The following ZDHHC7 variants were observed in gnomAD, a reference collection of about 807,000 sequenced individuals.
ZDHHC7 encodes the protein palmitoyltransferase ZDHHC7.
A neutral mutation model predicts 34.1 loss-of-function variants in ZDHHC7; 12 were observed. The observed-to-expected ratio is 0.35, with a 90% CI of 0.23 to 0.57. The LOEUF (loss-of-function observed/expected upper bound fraction) is 0.57, where lower values mean the gene tolerates loss of function less well. Ranked by LOEUF, ZDHHC7 falls within the 20% of genes least tolerant of loss-of-function variation. The probability of loss-of-function intolerance (pLI) is 0.84; values close to 1 mark genes in which losing one functional copy is unlikely to be tolerated. For synonymous variants in ZDHHC7, 185 were observed against 155.4 expected, an observed-to-expected ratio of 1.19 and a Z score of -1.42; for missense variants, 388 against 402.7, an observed-to-expected ratio of 0.96 and a Z score of 0.31.
upstream of ZDHHC7, among the ~76,000 whole-genome samples, chr16:85,012,937 A>G (rs1280987144): frequency 6.6e-6 from 1 of 152,120 alleles, no homozygotes; most frequent in Non-Finnish European, 1.5e-5. Context: ...ACCAGAATAT[A>G]TCACCGCAAA....
intron 1 of ZDHHC7, among the ~76,000 whole-genome samples, chr16:85,011,032 A>G (rs1428382558): frequency 1.3e-5 from 2 of 152,250 alleles, no homozygotes; most frequent in East Asian, 3.8e-4. Context: ...GTCACGCCCA[A>G]GGTCAGGCAA....
At chr16:85,026,629 A>C in the ZDHHC7 span, among the ~76,000 whole-genome samples, 6 of 151,368 alleles carry the variant, frequency 4.0e-5, no homozygotes, top group African/African-American at 1.5e-4. Context: ...GGTGTGGGAC[A>C]GGTACTTGAT....
intron 3 of ZDHHC7, among the ~76,000 whole-genome samples, chr16:84,987,406 G>T (rs937119195): frequency 2.0e-5 from 3 of 152,108 alleles, no homozygotes; most frequent in African/African-American, 7.2e-5. Context: ...CACTGCAGGT[G>T]GGAATGTAAA....
At chr16:85,018,497 G>C in the ZDHHC7 span, among the ~76,000 whole-genome samples, 1 of 151,398 alleles carries the variant, frequency 6.6e-6, no homozygotes, top group South Asian at 2.1e-4. Context: ...GCCCAGGCTA[G>C]AGTGCAATGG....
chr16:84,995,839 G>C (rs2072570075), intron 2 of ZDHHC7, 83 bp downstream of exon 2: 1 of 152,182 alleles, frequency 6.6e-6, no homozygotes, highest in South Asian at 2.1e-4. Context: ...CACATGCACA[G>C]GTTACCTTTT....
At chr16:85,012,764 G>C (rs1175068687), upstream of ZDHHC7, among the ~76,000 whole-genome samples, 3 of 151,938 alleles carry the variant, frequency 2.0e-5, no homozygotes, top group Admixed American at 6.6e-5. Context: ...AATTAGCCGG[G>C]TGCAGTTTTG....
chr16:85,020,119 G>A, the ZDHHC7 span, among the ~76,000 whole-genome samples: 3 of 152,208 alleles, frequency 2.0e-5, no homozygotes, highest in Admixed American at 6.5e-5. Context: ...CACAATCCTA[G>A]CTCTGTGCCA....
chr16:84,998,077 C>A (rs1239056070), intron 1 of ZDHHC7, among the ~76,000 whole-genome samples: 2 of 146,156 alleles, frequency 1.4e-5, no homozygotes, highest in Non-Finnish European at 3.0e-5. Context: ...TAGCTACTAA[C>A]ACGGTGAAAC....
chr16:84,976,110 C>T lies in ZDHHC7; in HGVS notation c.*233G>A, dbSNP rs990744615. 5 of 556,528 alleles carry T rather than the reference C, an allele frequency of 9.0e-6. No homozygotes were observed. The highest frequency in any genetic ancestry group is 3.3e-5 in the East Asian group (1 of 30,010). The allele number at this position is 556,528 out of a possible 1,614,324, so 34.5% of individuals were successfully genotyped here. ...GCCCCAGCTCTGCAGGAGGCCACGG[C>T]GTTTGGCTTCTTCGTGTGGCCACAC... On this transcript the variant is annotated 3_prime_UTR_variant, in exon 8 of 8. Coordinates refer to ENST00000313732, the MANE Select transcript of ZDHHC7 (RefSeq NM_017740.3).
rs1279053734 is a variant in ZDHHC7 at position 84,981,937 on chromosome 16, G to A, written c.373C>T (p.Pro125Ser). 13 of 1,614,218 alleles carry A rather than the reference G, an allele frequency of 8.1e-6. No individual in the cohort carries two copies. Among genetic ancestry groups the A allele is most frequent in the Non-Finnish European group, 1.0e-5 (12 of 1,180,032 alleles). Residue 125 changes from proline to serine, a missense_variant, in exon 4 of 8, where the codon CCC becomes TCC. Pro to Ser is a moderately conservative substitution (Grantham distance 74, BLOSUM62 -1). Coordinates refer to ENST00000313732, the MANE Select transcript of ZDHHC7 (RefSeq NM_017740.3). ...GGGCACTTGTAGATGACTTCCCCGGGCTTCAGCTGCAAGCTCTCCATGTAT... is the reference window on the plus strand; with the variant it reads ...GGGCACTTGTAGATGACTTCCCCGGACTTCAGCTGCAAGCTCTCCATGTAT... Reference protein sequence around the residue: ...KEYMESLQLKPGEVIYKCPKC... With the variant: ...KEYMESLQLKSGEVIYKCPKC...
At chr16:85,025,554 C>G in the ZDHHC7 span, among the ~76,000 whole-genome samples, 6 of 152,256 alleles carry the variant, frequency 3.9e-5, no homozygotes, top group Admixed American at 3.9e-4. Flanking sequence ...GGACTACAGG[C>G]ACCTGCCACC....
chr16:85,007,582 A>C (rs969911961), intron 1 of ZDHHC7, among the ~76,000 whole-genome samples: 1 of 152,004 alleles, frequency 6.6e-6, no homozygotes, highest in Non-Finnish European at 1.5e-5. Context: ...TCACAGTCCC[A>C]TAACAAGCAG....
At chr16:84,982,156 C>G in intron 3 of ZDHHC7, 162 bp from the exon 4 acceptor site, 2 of 795,210 alleles carry the variant, frequency 2.5e-6, no homozygotes, top group Non-Finnish European at 3.8e-6. Flanking sequence ...CCAGCCTGGT[C>G]AACATGGTGA....
At chr16:85,009,693 A>G (rs914566210) in intron 1 of ZDHHC7, among the ~76,000 whole-genome samples, 2 of 149,096 alleles carry the variant, frequency 1.3e-5, no homozygotes, top group Non-Finnish European at 3.0e-5. Context: ...ACTTTAACCA[A>G]GTTCTGACTT....
chr16:85,020,203 C>A, the ZDHHC7 span, among the ~76,000 whole-genome samples: 305 of 152,356 alleles, frequency 2.0e-3, no homozygotes, highest in Admixed American at 4.2e-3. Context: ...CCACTGAGTC[C>A]TTCAGAAGCA....
chr16:85,012,789 C>A (rs955023186), upstream of ZDHHC7, among the ~76,000 whole-genome samples: 1 of 152,054 alleles, frequency 6.6e-6, no homozygotes, highest in Admixed American at 6.6e-5. Flanking sequence ...CCTGTAATCT[C>A]AGCTACTCGG....
chr16:84,983,373 T>A (rs1224077773), intron 3 of ZDHHC7, among the ~76,000 whole-genome samples: 1 of 152,214 alleles, frequency 6.6e-6, no homozygotes, highest in East Asian at 1.9e-4. Context: ...TCTGAACCTC[T>A]GCAGGGTGAG....
intron 1 of ZDHHC7, among the ~76,000 whole-genome samples, chr16:85,002,155 G>T (rs911819903): frequency 6.6e-6 from 1 of 152,190 alleles, no homozygotes; most frequent in African/African-American, 2.4e-5. Context: ...ATATAAAGCA[G>T]TGGCTGAATA....
chr16:84,990,868 A>C (rs1597546190), intron 2 of ZDHHC7, among the ~76,000 whole-genome samples: 1 of 90,776 alleles, frequency 1.1e-5, no homozygotes, highest in Non-Finnish European at 2.0e-5. Context: ...CATATACAAA[A>C]CCTATCTATG....
Sources: gnomAD v4.1 joint callset for allele counts (sites outside exome capture counted in the v4.1 genomes callset) on GRCh38, gnomAD v4.1.1 for gene constraint, MANE v1.5 for transcripts, NCBI Gene and HGNC (gene_info 2026-07-23, HGNC 2026-07-21) for gene names.